The following PCDH9 variants were observed in gnomAD, a reference collection of about 807,000 sequenced individuals.
The protein encoded by PCDH9 is protocadherin 9, also known as protocadherin-9.
Under a neutral mutation model 70.6 loss-of-function variants are expected in PCDH9, and 24 were observed. The ratio of observed to expected loss-of-function variants is 0.34; its 90% CI spans 0.25 to 0.48. The LOEUF (loss-of-function observed/expected upper bound fraction) is 0.48, where lower values mean the gene tolerates loss of function less well. PCDH9 is among the 20% of genes least tolerant of loss of function. PCDH9 has a pLI of 0.99. For missense variants in PCDH9, 1,281 were observed against 1,503.6 expected, an observed-to-expected ratio of 0.85 and a Z score of 2.45; for synonymous variants, 562 against 558.5, an observed-to-expected ratio of 1.01 and a Z score of -0.09.
chr13:66,759,997 T>A (rs2079598738), intron 3 of PCDH9, among the ~76,000 whole-genome samples: 1 of 152,180 alleles, frequency 6.6e-6, no homozygotes, highest in African/African-American at 2.4e-5. Context: ...TCTCTCAGAT[T>A]AAGTAACTCC....
chr13:67,011,867 C>T (rs1462967542), intron 2 of PCDH9, among the ~76,000 whole-genome samples: 2 of 151,832 alleles, frequency 1.3e-5, no homozygotes, highest in Admixed American at 1.3e-4. Flanking sequence ...ATCAGTAAAC[C>T]TGTCCTCCCA....
intron 2 of PCDH9, among the ~76,000 whole-genome samples, chr13:66,972,379 T>A (rs1282776265): frequency 6.6e-6 from 1 of 151,918 alleles, no homozygotes; most frequent in Non-Finnish European, 1.5e-5. Context: ...TAGAAAAAAA[T>A]TAATAACTTT....
At chr13:67,008,946 T>C (rs147564169) in intron 2 of PCDH9, among the ~76,000 whole-genome samples, 2 of 152,298 alleles carry the variant, frequency 1.3e-5, no homozygotes, top group East Asian at 1.9e-4. Context: ...TTATCACTTA[T>C]TAAACACATT....
At chr13:67,195,648 A>G (rs1426005153) in intron 2 of PCDH9, among the ~76,000 whole-genome samples, 1 of 152,160 alleles carries the variant, frequency 6.6e-6, no homozygotes, top group East Asian at 1.9e-4. Flanking sequence ...TATAAGAATG[A>G]ATTATTATAT....
chr13:66,581,676 A>G (rs1431602148), intron 4 of PCDH9, among the ~76,000 whole-genome samples: 1 of 152,180 alleles, frequency 6.6e-6, no homozygotes, highest in Non-Finnish European at 1.5e-5. Context: ...TTTCAATTTC[A>G]TCCACAAAAA....
At chr13:66,974,643 T>C (rs1174865213) in intron 2 of PCDH9, among the ~76,000 whole-genome samples, 2 of 152,074 alleles carry the variant, frequency 1.3e-5, no homozygotes, top group Admixed American at 1.3e-4. Flanking sequence ...AAATTGTTTG[T>C]GACCTACTCT....
intron 2 of PCDH9, among the ~76,000 whole-genome samples, chr13:66,970,897 T>C (rs375764917): frequency 8.5e-5 from 13 of 152,122 alleles, no homozygotes; most frequent in East Asian, 5.8e-4. Flanking sequence ...AATTCTTATG[T>C]CTAGCCTATA....
At chr13:66,391,513 A>C (rs1048991197) in intron 4 of PCDH9, among the ~76,000 whole-genome samples, 1 of 152,152 alleles carries the variant, frequency 6.6e-6, no homozygotes, top group Non-Finnish European at 1.5e-5. Context: ...TAAAAGAGGA[A>C]CTTGCCAATG....
intron 4 of PCDH9, among the ~76,000 whole-genome samples, chr13:66,396,355 C>T (rs543944867): frequency 6.6e-6 from 1 of 152,138 alleles, no homozygotes; most frequent in Non-Finnish European, 1.5e-5. Context: ...TAACCCTTGC[C>T]AAGGGCATAG....
intron 2 of PCDH9, among the ~76,000 whole-genome samples, chr13:67,067,611 T>A (rs1374858708): frequency 2.4e-4 from 37 of 151,438 alleles, no homozygotes; most frequent in Admixed American, 2.0e-3. Context: ...ATACTTTTTT[T>A]AAAAAGTTTT....
At chr13:67,024,881 A>G (rs2084749137) in intron 2 of PCDH9, among the ~76,000 whole-genome samples, 1 of 152,174 alleles carries the variant, frequency 6.6e-6, no homozygotes, top group East Asian at 1.9e-4. Flanking sequence ...GAGTACTCAC[A>G]TAATTGATGA....
At chr13:67,061,555 C>A (rs1388780295) in intron 2 of PCDH9, among the ~76,000 whole-genome samples, 2 of 152,024 alleles carry the variant, frequency 1.3e-5, no homozygotes, top group Non-Finnish European at 2.9e-5. Flanking sequence ...TTTAAAAATA[C>A]ATGTCCTTTC....
intron 3 of PCDH9, among the ~76,000 whole-genome samples, chr13:66,666,353 G>A (rs544163194): frequency 2.7e-4 from 41 of 152,288 alleles, no homozygotes; most frequent in Non-Finnish European, 4.9e-4. Context: ...ATGTCTGGTC[G>A]TGGTTCCAGC....
At chr13:66,438,036 C>G (rs747201406) in intron 4 of PCDH9, among the ~76,000 whole-genome samples, 1 of 151,914 alleles carries the variant, frequency 6.6e-6, no homozygotes, top group African/African-American at 2.4e-5. Context: ...GAGTTCAAGA[C>G]AAGTTTGGCC....
At chr13:66,915,633 C>T (rs1257858046) in intron 2 of PCDH9, among the ~76,000 whole-genome samples, 3 of 151,534 alleles carry the variant, frequency 2.0e-5, no homozygotes, top group Non-Finnish European at 4.4e-5. Context: ...AATATATATA[C>T]ATAACTTTAT....
In PCDH9 at chr13:66,932,681, T is replaced by TATATATATAC. The variant is rs1313632174; in HGVS notation, c.3037-29077_3037-29076insGTATATATAT. On this transcript the variant is annotated intron_variant, in intron 2 of 4. Coordinates refer to ENST00000377865, the MANE Select transcript of PCDH9 (RefSeq NM_203487.3). ...TCACATATATATATATATATATATA[T>TATATATATAC]ACACACACACACACGTATGTATATA... 3.0e-3 allele frequency among the ~76,000 whole-genome samples: 347 copies of TATATATATAC among 114,808 alleles called. 2 individuals are homozygous for TATATATATAC. The highest frequency in any genetic ancestry group is 0.011 in the African/African-American group (307 of 29,228). The allele number at this position is 114,808 out of a possible 152,430, so 75.3% of individuals were successfully genotyped here.
intron 3 of PCDH9, among the ~76,000 whole-genome samples, chr13:66,817,968 A>G (rs933072531): frequency 6.6e-6 from 1 of 152,176 alleles, no homozygotes; most frequent in Non-Finnish European, 1.5e-5. Context: ...GATCCCAAGA[A>G]TTATTTTTAA....
intron 2 of PCDH9, among the ~76,000 whole-genome samples, chr13:67,179,213 T>G (rs1245917996): frequency 6.6e-6 from 1 of 152,094 alleles, no homozygotes; most frequent in Non-Finnish European, 1.5e-5. Context: ...AACTGAGGTT[T>G]AGAGAGGTCA....
At chr13:67,041,275 T>C (rs925614832) in intron 2 of PCDH9, among the ~76,000 whole-genome samples, 1 of 152,144 alleles carries the variant, frequency 6.6e-6, no homozygotes, top group Admixed American at 6.6e-5. Flanking sequence ...CTATGAATTG[T>C]TTATTTCTGG....
Sources: allele counts gnomAD v4.1 joint callset (sites outside exome capture counted in the v4.1 genomes callset), GRCh38; gene constraint gnomAD v4.1.1; transcripts MANE v1.5; gene names NCBI Gene and HGNC (gene_info 2026-07-23, HGNC 2026-07-21).